The following CCDC6 variants were observed in gnomAD, a reference collection of about 807,000 sequenced individuals.
CCDC6 encodes the protein coiled-coil domain containing 6.
CCDC6 carries 20 observed loss-of-function variants against 56.6 expected under a neutral mutation model. The observed-to-expected ratio is 0.35, with a 90% CI of 0.25 to 0.51. The LOEUF (loss-of-function observed/expected upper bound fraction) is 0.51, where lower values mean the gene tolerates loss of function less well. Among genes scored for constraint, CCDC6 ranks in the 20% least tolerant of loss-of-function variants. The pLI is 0.95. For missense variants in CCDC6, 367 were observed against 601.1 expected, an observed-to-expected ratio of 0.61 and a Z score of 4.07; for synonymous variants, 241 against 234.4, an observed-to-expected ratio of 1.03 and a Z score of -0.26.
At position 59,791,391 on chromosome 10, in the gene CCDC6, A is replaced by G. The variant is rs1478783530; in HGVS notation, c.*1526T>C. ...TTTTTCATTCTGTTAACTCTTAAAT[A>G]TGCATTCGAAGGCAAAAATGGAGGT... On this transcript the variant is annotated 3_prime_UTR_variant, in exon 9 of 9. Coordinates refer to ENST00000263102, the MANE Select transcript of CCDC6 (RefSeq NM_005436.5). 1.0e-5 allele frequency: 2 copies of G among 196,316 alleles called. No homozygotes were observed. The highest frequency in any genetic ancestry group is 2.1e-5 in the Non-Finnish European group (2 of 94,438). The allele number at this position is 196,316 out of a possible 1,614,324, so 12.2% of individuals were successfully genotyped here. A position where few individuals can be genotyped will look rare whatever the true frequency, so the allele number is the denominator to read the frequency against.
chr10:59,866,643 C>T (rs913876707), intron 1 of CCDC6, among the ~76,000 whole-genome samples: 20 of 152,130 alleles, frequency 1.3e-4, no homozygotes, highest in African/African-American at 4.6e-4. Context: ...GGGAAACTAG[C>T]TCAGAGAGGT....
chr10:59,848,416 C>T (rs969298847), intron 2 of CCDC6, among the ~76,000 whole-genome samples: 1 of 152,182 alleles, frequency 6.6e-6, no homozygotes, highest in Admixed American at 6.5e-5. Flanking sequence ...CAGTAGCTCA[C>T]ACCTATAATC....
chr10:59,879,211 AC>A (rs2071310574), intron 1 of CCDC6, among the ~76,000 whole-genome samples: 1 of 152,018 alleles, frequency 6.6e-6, no homozygotes, highest in Non-Finnish European at 1.5e-5. Flanking sequence ...CACTTAAGAA[AC>A]CTGAAAACAA....
chr10:59,867,881 A>C (rs1476014519), intron 1 of CCDC6, among the ~76,000 whole-genome samples: 1 of 152,102 alleles, frequency 6.6e-6, no homozygotes, highest in East Asian at 1.9e-4. Context: ...GAAAAATTTT[A>C]AATCTACCTA....
intron 2 of CCDC6, among the ~76,000 whole-genome samples, chr10:59,840,059 C>T (rs1294533292): frequency 6.6e-6 from 1 of 152,130 alleles, no homozygotes; most frequent in African/African-American, 2.4e-5. Context: ...CTCCTGACCT[C>T]GTGATCCCCC....
At chr10:59,808,679 AG>A (rs1197494335) in intron 5 of CCDC6, among the ~76,000 whole-genome samples, 9 of 152,210 alleles carry the variant, frequency 5.9e-5, no homozygotes, top group African/African-American at 2.2e-4. Context: ...GTCCAAATTT[AG>A]GGAAGAAGGA....
chr10:59,824,679 G>GAGGAGGAGA (rs966214921), intron 3 of CCDC6, among the ~76,000 whole-genome samples: 16 of 142,238 alleles, frequency 1.1e-4, no homozygotes, highest in African/African-American at 4.6e-4. Flanking sequence ...GAAGAGAAAA[G>GAGGAGGAGA]AGGAGGAGGA....
At chr10:59,830,115 G>A (rs1003724517) in intron 3 of CCDC6, among the ~76,000 whole-genome samples, 3 of 152,170 alleles carry the variant, frequency 2.0e-5, no homozygotes, top group Admixed American at 2.0e-4. Context: ...ACATGTGGGA[G>A]CATATGTGAT....
intron 1 of CCDC6, among the ~76,000 whole-genome samples, chr10:59,902,234 G>A (rs896306897): frequency 3.3e-5 from 5 of 152,076 alleles, no homozygotes; most frequent in Admixed American, 1.3e-4. Flanking sequence ...CAGAATAGCC[G>A]CTTACATACC....
chr10:59,862,570 T>TACACACACACAC (rs907275659), intron 1 of CCDC6, among the ~76,000 whole-genome samples: 3,264 of 94,446 alleles, frequency 0.035, 82 homozygotes, highest in Non-Finnish European at 0.051. Flanking sequence ...TATATACACA[T>TACACACACACAC]ACACACACAC....
chr10:59,820,841 C>A (rs1239487349), intron 3 of CCDC6, among the ~76,000 whole-genome samples: 2 of 150,000 alleles, frequency 1.3e-5, no homozygotes, highest in Non-Finnish European at 3.0e-5. Flanking sequence ...TAACCAAACT[C>A]TAAAGTTGGC....
chr10:59,901,381 A>G (rs2071502949), intron 1 of CCDC6, among the ~76,000 whole-genome samples: 1 of 152,238 alleles, frequency 6.6e-6, no homozygotes, highest in Non-Finnish European at 1.5e-5. Context: ...ATTGAAAATA[A>G]CATATTAGAC....
In CCDC6 at chr10:59,889,037, G is replaced by A. The variant is rs1049110443; in HGVS notation, c.303+17085C>T. On this transcript the variant is annotated intron_variant, in intron 1 of 8. Coordinates refer to ENST00000263102, the MANE Select transcript of CCDC6 (RefSeq NM_005436.5). Reference sequence around the variant, plus strand: ...CATCCTCATCAGAGCTGGGGCCCTTGAATATCAGGGGACCCACGCACGCTT... The same window carrying A: ...CATCCTCATCAGAGCTGGGGCCCTTAAATATCAGGGGACCCACGCACGCTT... Among the ~76,000 whole-genome samples the A allele has an allele frequency of 2.0e-5, 3 of 152,058 alleles. No homozygotes were observed. The East Asian group carries it at 5.8e-4, about 29-fold the overall frequency.
At chr10:59,838,780 C>T (rs2070908532) in intron 2 of CCDC6, among the ~76,000 whole-genome samples, 1 of 152,108 alleles carries the variant, frequency 6.6e-6, no homozygotes, top group East Asian at 1.9e-4. Context: ...GAAACCATGC[C>T]ACTCACTCTG....
At position 59,906,320 on chromosome 10, in the gene CCDC6, A is replaced by ACCGCCGCCG. The variant is rs768784542; in HGVS notation, c.96_104dup (p.Gly42_Gly44dup). The ACCGCCGCCG allele has an allele frequency of 6.2e-7, 1 of 1,600,278 alleles. No individual in the cohort carries two copies. The highest frequency in any genetic ancestry group is 8.5e-7 in the Non-Finnish European group (1 of 1,178,620). On this transcript the variant is annotated inframe_insertion, in exon 1 of 9. Coordinates refer to ENST00000263102, the MANE Select transcript of CCDC6 (RefSeq NM_005436.5). ...CACCGCCGCCGCCTCCCCCGCCGCC[A>ACCGCCGCCG]CCGCCGCCGCCCGAGGTCGACGAGC...
At chr10:59,879,655 T>A (rs1030621509) in intron 1 of CCDC6, among the ~76,000 whole-genome samples, 1 of 152,198 alleles carries the variant, frequency 6.6e-6, no homozygotes, top group African/African-American at 2.4e-5. Context: ...GGCTCTAATC[T>A]GCCTTCCCTA....
intron 1 of CCDC6, 88 bp downstream of exon 1, chr10:59,906,034 A>G: frequency 8.7e-7 from 1 of 1,150,560 alleles, no homozygotes; most frequent in Non-Finnish European, 1.2e-6. Context: ...GAATCTGGGG[A>G]AGACTTGGGG....
intron 3 of CCDC6, among the ~76,000 whole-genome samples, chr10:59,815,538 T>C (rs967381332): frequency 2.0e-5 from 3 of 152,118 alleles, no homozygotes; most frequent in Non-Finnish European, 4.4e-5. Flanking sequence ...AGACAGTAAA[T>C]GAAACAATTA....
At chr10:59,867,888 C>T (rs1267384782) in intron 1 of CCDC6, among the ~76,000 whole-genome samples, 3 of 152,088 alleles carry the variant, frequency 2.0e-5, no homozygotes, top group African/African-American at 7.2e-5. Context: ...TTTAAATCTA[C>T]CTATGACCTG....
Sources: gnomAD v4.1 joint callset for allele counts (sites outside exome capture counted in the v4.1 genomes callset) on GRCh38, gnomAD v4.1.1 for gene constraint, MANE v1.5 for transcripts, NCBI Gene and HGNC (gene_info 2026-07-23, HGNC 2026-07-21) for gene names.